The following PDE8A variants were observed in gnomAD, a reference collection of about 807,000 sequenced individuals.
PDE8A encodes high affinity cAMP-specific and IBMX-insensitive 3',5'-cyclic phosphodiesterase 8A.
PDE8A carries 59 observed loss-of-function variants against 105.0 expected under a neutral mutation model. The ratio of observed to expected loss-of-function variants is 0.56; its 90% confidence interval spans 0.46 to 0.70. PDE8A has a LOEUF of 0.70. PDE8A is among the 30% of genes least tolerant of loss of function. The pLI is 0.00. For synonymous variants in PDE8A, 355 were observed against 371.9 expected (o/e 0.95, Z 0.52); for missense variants, 1,014 against 1,045.9 (o/e 0.97, Z 0.42).
intron 1 of PDE8A, among the ~76,000 whole-genome samples, chr15:85,061,578 T>C (rs2081146682): frequency 6.6e-6 from 1 of 152,182 alleles, no homozygotes; most frequent in African/African-American, 2.4e-5. Flanking sequence ...CTTTGAGCAG[T>C]TTCATTATAA....
chr15:85,101,983 C>G (rs979860137), intron 11 of PDE8A, among the ~76,000 whole-genome samples: 1 of 152,084 alleles, frequency 6.6e-6, no homozygotes, highest in African/African-American at 2.4e-5. Context: ...GTGCTGGCTT[C>G]TGTGTTCTGC....
At chr15:85,035,103 A>G (rs145147557) in intron 1 of PDE8A, among the ~76,000 whole-genome samples, 104 of 150,224 alleles carry the variant, frequency 6.9e-4, no homozygotes, top group South Asian at 1.3e-3. Flanking sequence ...GTCGGACCTT[A>G]TATTCCACTA....
chr15:85,098,969 A>T (rs56068820), intron 9 of PDE8A, among the ~76,000 whole-genome samples: 19,164 of 152,176 alleles, frequency 0.13, 3,387 homozygotes, highest in African/African-American at 0.4. Context: ...AAGGAAAAAA[A>T]AAAATAAAAT....
chr15:84,983,475 C>T (rs1246002002), intron 1 of PDE8A, among the ~76,000 whole-genome samples: 1 of 152,184 alleles, frequency 6.6e-6, no homozygotes, highest in Non-Finnish European at 1.5e-5. Context: ...TTTTTCTGTA[C>T]GAAAGGGGAA....
chr15:85,099,820 T>C, intron 9 of PDE8A, 195 bp from the exon 10 acceptor site: 1 of 576,954 alleles, frequency 1.7e-6, no homozygotes, highest in Non-Finnish European at 3.0e-6. Context: ...CTGAAGTCAC[T>C]TGTACAGAGA....
At chr15:84,984,159 A>G (rs565228400) in intron 1 of PDE8A, among the ~76,000 whole-genome samples, 1 of 152,224 alleles carries the variant, frequency 6.6e-6, no homozygotes, top group East Asian at 1.9e-4. Context: ...GTAGACTTCA[A>G]AATAATAGTA....
rs779662828 is a variant in PDE8A, at chr15:85,116,139, A to G, written c.1535+20A>G. ...CAATAGGTGAGTTCATGCAGAGCTC[A>G]GCAGCGGGAGAACTAGATTCCCAGG... On this transcript the variant is annotated intron_variant, in intron 16 of 21. Coordinates refer to ENST00000394553, the MANE Select transcript of PDE8A (RefSeq NM_002605.3). 2.5e-6 allele frequency: 4 copies of G among 1,613,348 alleles called. No homozygotes were observed. Among genetic ancestry groups the G allele is most frequent in the Non-Finnish European group, 1.7e-6 (2 of 1,179,412 alleles).
At chr15:85,016,993 G>A (rs2080335397) in intron 1 of PDE8A, among the ~76,000 whole-genome samples, 1 of 150,908 alleles carries the variant, frequency 6.6e-6, no homozygotes, top group South Asian at 2.1e-4. Context: ...CGGGCGCGGT[G>A]GCTCACGCCT....
intron 3 of PDE8A, among the ~76,000 whole-genome samples, chr15:85,068,061 T>A (rs2015030): frequency 0.64 from 97,121 of 151,472 alleles, 32,253 homozygotes; most frequent in African/African-American, 0.81. Context: ...TTTTTTCTTG[T>A]GACGGAGTCT....
At chr15:85,003,121 C>G (rs2080092235) in intron 1 of PDE8A, among the ~76,000 whole-genome samples, 1 of 151,962 alleles carries the variant, frequency 6.6e-6, no homozygotes, top group South Asian at 2.1e-4. Context: ...TAGCTGAAGC[C>G]AGAAGTGGAA....
intron 11 of PDE8A, among the ~76,000 whole-genome samples, chr15:85,107,264 ATAGT>A (rs768636676): frequency 1.4e-4 from 21 of 152,204 alleles, no homozygotes; most frequent in Non-Finnish European, 2.2e-4. Context: ...CAAATCATAA[ATAGT>A]TCAAGGTGGA....
rs1274901530 is a variant in PDE8A at position 85,067,090 on chromosome 15, G to A, written c.320G>A (p.Cys107Tyr). 2 of 1,613,606 alleles carry A rather than the reference G, an allele frequency of 1.2e-6. No homozygotes were observed. The highest frequency in any genetic ancestry group is 1.7e-6 in the Non-Finnish European group (2 of 1,179,626). ...GCATGTGAAAAAGCAGGGTTTAAGT[G>A]TACAGTTACCAAGGAGGCTCAGGCT... ...CRACEKAGFK[C>Y]TVTKEAQAVL... The change falls in exon 3 of 22, where the codon TGT becomes TAT. Residue 107 changes from cysteine (C) to tyrosine (Y), a missense_variant. Physicochemically the swap from Cys to Tyr is radical, Grantham distance 194 (BLOSUM62 -2). Transcript: ENST00000394553.
chr15:85,098,871 C>T lies in PDE8A; in HGVS notation c.941+835C>T, dbSNP rs1244120894. Among the ~76,000 whole-genome samples, 5 of 151,714 alleles carry T rather than the reference C, an allele frequency of 3.3e-5. No homozygotes were observed. In the East Asian group the frequency reaches 9.7e-4, roughly 29 times the overall value. Reference sequence around the variant, plus strand: ...CTTCAGGGGGCCGATGTGGGAGAATCGCTTGATCTTGGGAGGTCGAGGCTG... The same window carrying T: ...CTTCAGGGGGCCGATGTGGGAGAATTGCTTGATCTTGGGAGGTCGAGGCTG... On this transcript the variant is annotated intron_variant, in intron 9 of 21. Transcript: ENST00000394553.
At chr15:85,012,576 A>C (rs1340449420) in intron 1 of PDE8A, among the ~76,000 whole-genome samples, 7 of 151,372 alleles carry the variant, frequency 4.6e-5, no homozygotes, top group African/African-American at 1.7e-4. Context: ...GAGGGATGGC[A>C]TTAGGAGATA....
At chr15:85,093,141 G>A (rs1397144424) in intron 8 of PDE8A, among the ~76,000 whole-genome samples, 1 of 152,168 alleles carries the variant, frequency 6.6e-6, no homozygotes, top group Non-Finnish European at 1.5e-5. Flanking sequence ...CTGGGCTCAA[G>A]CAGTCCGATA....
intron 8 of PDE8A, 89 bp downstream of exon 8, chr15:85,091,270 A>G (rs1289112108): frequency 1.2e-5 from 14 of 1,155,300 alleles, no homozygotes; most frequent in Non-Finnish European, 1.7e-5. Flanking sequence ...GGTAATCTTA[A>G]TCTTACTCCT....
At chr15:85,096,473 T>C (rs182516691) in intron 8 of PDE8A, among the ~76,000 whole-genome samples, 17 of 152,254 alleles carry the variant, frequency 1.1e-4, no homozygotes, top group Admixed American at 3.3e-4. Context: ...ATAAAGAAAG[T>C]ATACTATTTG....
chr15:85,024,545 GGC>G (rs2080481870), intron 1 of PDE8A, among the ~76,000 whole-genome samples: 1 of 150,606 alleles, frequency 6.6e-6, no homozygotes, highest in South Asian at 2.1e-4. Context: ...ATCTTGCTTA[GGC>G]TTTTTTTTTT....
chr15:85,113,249 A>G, intron 12 of PDE8A, 128 bp from the exon 13 acceptor site: 1 of 780,758 alleles, frequency 1.3e-6, no homozygotes, highest in Admixed American at 1.8e-5. Context: ...TTAGGATGGG[A>G]AGGAAGCTCA....
Sources: allele counts gnomAD v4.1 joint callset (sites outside exome capture counted in the v4.1 genomes callset), GRCh38; gene constraint gnomAD v4.1.1; transcripts MANE v1.5; gene names NCBI Gene and HGNC (gene_info 2026-07-23, HGNC 2026-07-21).